ANO3: variants seen among roughly 807,000 people sequenced by gnomAD.
ANO3 encodes anoctamin-3.
A neutral mutation model predicts 144.8 loss-of-function variants in ANO3; 99 were observed. The ratio of observed to expected loss-of-function variants is 0.68; its 90% CI spans 0.58 to 0.81. The LOEUF is 0.81. Ranked by LOEUF, ANO3 falls within the 30% of genes least tolerant of loss-of-function variation. The pLI is 0.00. For missense variants in ANO3, 905 were observed against 1,202.2 expected, an observed-to-expected ratio of 0.75 and a Z score of 3.66; for synonymous variants, 414 against 392.6, an observed-to-expected ratio of 1.05 and a Z score of -0.64.
At chr11:26,324,955 G>A (rs929066169) in intron 1 of ANO3, among the ~76,000 whole-genome samples, 1 of 152,138 alleles carries the variant, frequency 6.6e-6, no homozygotes, top group African/African-American at 2.4e-5. Flanking sequence ...GAACCCATGG[G>A]AAAGGAAAAG....
intron 1 of ANO3, among the ~76,000 whole-genome samples, chr11:26,255,316 GT>G (rs1853031371): frequency 6.6e-6 from 1 of 152,110 alleles, no homozygotes; most frequent in Non-Finnish European, 1.5e-5. Context: ...ATGGGCTATG[GT>G]TTAGATAGAC....
Position 26,332,165 on chromosome 11 carries a change from T to G in ANO3, c.-111T>G. On this transcript the variant is annotated 5_prime_UTR_variant, in exon 1 of 27. The change creates a new upstream start codon in the 5' untranslated region. Coordinates refer to ENST00000256737, the MANE Select transcript of ANO3 (RefSeq NM_031418.4). Reference sequence around the variant, plus strand: ...GTGCCGGCTACAGCAGGTGTCGGATTGCAGTGCGCTCGCTGAGGCTCCGGA... The same window carrying G: ...GTGCCGGCTACAGCAGGTGTCGGATGGCAGTGCGCTCGCTGAGGCTCCGGA... 1.9e-6 allele frequency: 3 copies of G among 1,595,750 alleles called. No homozygotes were observed. Among genetic ancestry groups the G allele is most frequent in the African/African-American group, 1.3e-5 (1 of 74,592 alleles).
intron 17 of ANO3, among the ~76,000 whole-genome samples, chr11:26,621,814 C>T (rs1472791844): frequency 2.0e-5 from 3 of 152,108 alleles, no homozygotes; most frequent in Non-Finnish European, 4.4e-5. Context: ...TTACTAAATG[C>T]ATCAGTGGCT....
intron 1 of ANO3, among the ~76,000 whole-genome samples, chr11:26,266,026 G>C (rs1056957258): frequency 6.6e-6 from 1 of 151,998 alleles, no homozygotes; most frequent in African/African-American, 2.4e-5. Context: ...GGAGAATAAG[G>C]AAAATATATT....
intron 4 of ANO3, among the ~76,000 whole-genome samples, chr11:26,498,252 G>A (rs1861044938): frequency 6.6e-6 from 1 of 151,844 alleles, no homozygotes; most frequent in South Asian, 2.1e-4. Flanking sequence ...GATTAAAATT[G>A]GACTTTACCG....
chr11:26,491,834 T>C (rs1860722049), intron 4 of ANO3, among the ~76,000 whole-genome samples: 1 of 152,160 alleles, frequency 6.6e-6, no homozygotes, highest in Admixed American at 6.6e-5. Context: ...CCCTATAATT[T>C]ATAATTTTTT....
At chr11:26,624,558 C>T in intron 18 of ANO3, 60 bp downstream of exon 18, 2 of 1,198,652 alleles carry the variant, frequency 1.7e-6, no homozygotes, top group Middle Eastern at 2.1e-4. Flanking sequence ...GCATTTCAGT[C>T]TGTAGTTACT....
chr11:26,402,745 A>G (rs1202606670), intron 1 of ANO3, among the ~76,000 whole-genome samples: 1 of 151,916 alleles, frequency 6.6e-6, no homozygotes, highest in Non-Finnish European at 1.5e-5. Context: ...GATCAAGACA[A>G]ATAACTAATG....
intron 14 of ANO3, among the ~76,000 whole-genome samples, chr11:26,591,726 G>T (rs1851458125): frequency 6.6e-6 from 1 of 152,170 alleles, no homozygotes; most frequent in African/African-American, 2.4e-5. Context: ...TGACAAAGGA[G>T]GGCCATGGGG....
intron 1 of ANO3, among the ~76,000 whole-genome samples, chr11:26,421,160 G>A (rs1212800350): frequency 2.0e-5 from 3 of 151,934 alleles, no homozygotes; most frequent in Admixed American, 1.3e-4. Flanking sequence ...AGGATGTTAT[G>A]GAAATTAATA....
chr11:26,423,543 C>A (rs1394456117), intron 1 of ANO3, among the ~76,000 whole-genome samples: 2 of 151,438 alleles, frequency 1.3e-5, no homozygotes, highest in African/African-American at 2.4e-5. Flanking sequence ...TTTCATTATT[C>A]ATATCAATTT....
chr11:26,484,667 G>C (rs549453083), intron 4 of ANO3, among the ~76,000 whole-genome samples: 69 of 152,264 alleles, frequency 4.5e-4, no homozygotes, highest in South Asian at 1.7e-3. Context: ...GAGATCCACT[G>C]TCCCATAGAC....
chr11:26,640,195 C>G (rs1853103677), intron 21 of ANO3, among the ~76,000 whole-genome samples: 1 of 132,800 alleles, frequency 7.5e-6, no homozygotes, highest in Admixed American at 7.2e-5. Flanking sequence ...CTCTTCCTTG[C>G]TAAATTTGCT....
At chr11:26,488,686 T>C (rs1860570576) in intron 4 of ANO3, among the ~76,000 whole-genome samples, 1 of 152,180 alleles carries the variant, frequency 6.6e-6, no homozygotes, top group Non-Finnish European at 1.5e-5. Context: ...TCTCACTGAC[T>C]TCAGGAATGA....
intron 1 of ANO3, among the ~76,000 whole-genome samples, chr11:26,244,835 C>G (rs1852746284): frequency 6.6e-6 from 1 of 152,136 alleles, no homozygotes; most frequent in African/African-American, 2.4e-5. Flanking sequence ...ATATTTACTT[C>G]ATCCAAATTT....
intron 22 of ANO3, among the ~76,000 whole-genome samples, chr11:26,642,788 CTTCT>C (rs989395524): frequency 7.0e-6 from 1 of 142,192 alleles, no homozygotes; most frequent in African/African-American, 2.5e-5. Flanking sequence ...TCTTCCTCCT[CTTCT>C]TTCTCTTTCT....
At chr11:26,561,136 G>C in intron 14 of ANO3, 2 of 1,612,602 alleles carry the variant, frequency 1.2e-6, no homozygotes, top group Non-Finnish European at 1.7e-6. Context: ...TCACTTTCTG[G>C]CATGGCTGAA....
In ANO3 at chr11:26,205,560, G is replaced by T. The variant is rs190550865; in HGVS notation, c.154+16230G>T. ...TCATTGTCTGAACAATGGATATTTT[G>T]ATGTATGGTCAGCTTTGGCCAGAGC... On this transcript the variant is annotated intron_variant, in intron 1 of 27. Coordinates refer to the ANO3 transcript ENST00000672621. Among the ~76,000 whole-genome samples the T allele has an allele frequency of 2.0e-5, 3 of 152,288 alleles. No individual in the cohort carries two copies. The East Asian group carries it at 5.8e-4, about 29-fold the overall frequency.
At chr11:26,569,167 A>C (rs1850719487) in intron 14 of ANO3, among the ~76,000 whole-genome samples, 2 of 152,166 alleles carry the variant, frequency 1.3e-5, no homozygotes, top group South Asian at 4.1e-4. Context: ...TGTGACATTG[A>C]ACCACCAAGG....
Sources: allele counts gnomAD v4.1 joint callset (sites outside exome capture counted in the v4.1 genomes callset), GRCh38; gene constraint gnomAD v4.1.1; transcripts MANE v1.5; gene names NCBI Gene and HGNC (gene_info 2026-07-23, HGNC 2026-07-21).